TTLL7: variants seen among roughly 807,000 people sequenced by gnomAD.
TTLL7 encodes the protein tubulin polyglutamylase TTLL7.
In TTLL7, 53 loss-of-function variants were observed where a neutral mutation model predicts 120.2. The ratio of observed to expected loss-of-function variants is 0.44; its 90% confidence interval spans 0.35 to 0.55. The LOEUF (loss-of-function observed/expected upper bound fraction) is 0.55. TTLL7 is among the 20% of genes least tolerant of loss of function. TTLL7 has a pLI of 0.00. For synonymous variants in TTLL7, 353 were observed against 351.7 expected, an observed-to-expected ratio of 1.00 and a Z score of -0.04; for missense variants, 803 against 1,054.7, an observed-to-expected ratio of 0.76 and a Z score of 3.31.
chr1:83,897,721 T>A (rs1008019486), intron 18 of TTLL7, among the ~76,000 whole-genome samples: 1 of 151,972 alleles, frequency 6.6e-6, no homozygotes, highest in African/African-American at 2.4e-5. Context: ...CACAACTTTC[T>A]CAGAGATCCA....
rs867031651 is a variant in TTLL7 at position 83,909,233 on chromosome 1, T to G, written c.1787-1572A>C. On this transcript the variant is annotated intron_variant, in intron 15 of 20. Transcript: ENST00000260505. The stretch of plus-strand genomic sequence containing the variant: ...ATCACTGGGCAGAAGGAAAATATCC[T>G]TTGTCTTGAATCATCACAGATTACT... 2.0e-5 allele frequency among the ~76,000 whole-genome samples: 3 copies of G among 151,588 alleles called. No individual in the cohort carries two copies. The South Asian group carries it at 6.3e-4, about 32-fold the overall frequency.
chr1:83,870,030 A>G lies in TTLL7; in HGVS notation c.2596T>C (p.Leu866=). 1 of 1,588,516 alleles carries G rather than the reference A, an allele frequency of 6.3e-7. No individual in the cohort carries two copies. The highest frequency in any genetic ancestry group is 8.5e-7 in the Non-Finnish European group (1 of 1,170,784). ...GTCATTCCAGGTGAATTGTACTTCA[A>G]GTTGTAGGTTGGTGTTCTCAAGAAG... ...QFFLRTPTYN[L]KYNSPGMTRS... is the part of the protein sequence containing the mutation. The change falls in exon 21 of 21, where the codon TTG becomes CTG. Residue 866 remains leucine, a synonymous_variant. Coordinates refer to ENST00000260505, the MANE Select transcript of TTLL7 (RefSeq NM_024686.6).
intron 3 of TTLL7, 142 bp downstream of exon 3, chr1:83,951,703 T>C: frequency 1.2e-6 from 1 of 860,068 alleles, no homozygotes; most frequent in South Asian, 2.2e-5. Flanking sequence ...CCTTCTAATA[T>C]GTTAGAAATT....
At position 83,942,476 on chromosome 1, in the gene TTLL7, T is replaced by C. The variant is rs768465645; in HGVS notation, c.710A>G (p.Asn237Ser). The change falls in exon 7 of 21, where the codon AAT (asparagine) becomes AGT (serine). Residue 237 changes from asparagine (N) to serine (S), a missense_variant. Transcript: ENST00000260505. The stretch of plus-strand genomic sequence containing the variant: ...GGTATCACTTACCAAATTGGACTCA[T>C]TAGGTGGAATGTACTTCTCTGTACC... ...RMGTEKYIPP[N>S]ESNLTQLYMH... is the part of the protein sequence containing the mutation. 3 of 1,613,332 alleles carry C rather than the reference T, an allele frequency of 1.9e-6. No homozygotes were observed. In the Admixed American group the frequency reaches 5.0e-5, roughly 27 times the overall value.
At chr1:83,911,395 G>T in intron 14 of TTLL7, 32 bp from the exon 15 acceptor site, 1 of 1,538,986 alleles carries the variant, frequency 6.5e-7, no homozygotes, top group Non-Finnish European at 8.9e-7. Flanking sequence ...TATTTTGTTA[G>T]AATTCTTAAA....
intron 1 of TTLL7, among the ~76,000 whole-genome samples, chr1:83,996,347 A>C (rs2100662498): frequency 6.6e-6 from 1 of 152,334 alleles, no homozygotes; most frequent in African/African-American, 2.4e-5. Context: ...AAGAGAAATG[A>C]TTAACAGATC....
At chr1:83,883,793 C>T (rs1654729122) in intron 19 of TTLL7, among the ~76,000 whole-genome samples, 1 of 152,016 alleles carries the variant, frequency 6.6e-6, no homozygotes, top group African/African-American at 2.4e-5. Flanking sequence ...GACCTCTCTT[C>T]ACTAGGAGAA....
rs1381593708 is a variant in TTLL7 at position 83,933,641 on chromosome 1, C to T, written c.1014G>A (p.Leu338=). 1.2e-6 allele frequency: 2 copies of T among 1,613,470 alleles called. No individual in the cohort carries two copies. Among genetic ancestry groups the T allele is most frequent in the African/African-American group, 2.7e-5 (2 of 74,862 alleles). Residue 338 remains leucine, a synonymous_variant, in exon 9 of 21, where the codon TTG becomes TTA. Coordinates refer to ENST00000260505, the MANE Select transcript of TTLL7 (RefSeq NM_024686.6). ...VCFEVLGFDI[L]LDRKLKPWLL... is the part of the protein sequence containing the mutation. ...GCCATGGCTTTAGTTTTCTATCCAACAAAATATCAAATCCCAGGACTTCAA... is the reference window on the plus strand; with the variant it reads ...GCCATGGCTTTAGTTTTCTATCCAATAAAATATCAAATCCCAGGACTTCAA...
intron 1 of TTLL7, among the ~76,000 whole-genome samples, chr1:83,996,682 T>C (rs543232577): frequency 1.1e-4 from 16 of 152,354 alleles, no homozygotes; most frequent in Non-Finnish European, 2.2e-4. Flanking sequence ...TGCTAGACTT[T>C]AAGTTCCTTG....
In TTLL7 at chr1:83,911,193, G is replaced by C. The variant is rs1232600123; in HGVS notation, c.1758C>G (p.Ser586=). The C allele has an allele frequency of 1.3e-5, 21 of 1,611,452 alleles. No individual in the cohort carries two copies. The highest frequency in any genetic ancestry group is 1.8e-5 in the Non-Finnish European group (21 of 1,177,994). ...GTTGTTGAATTAATTTGTAGTGGTTGGAGGGTTTAAGATTATATGTAACTT... is the reference window on the plus strand; with the variant it reads ...GTTGTTGAATTAATTTGTAGTGGTTCGAGGGTTTAAGATTATATGTAACTT... ...EKQVTYNLKP[S]NHYKLIQQPS... The change falls in exon 15 of 21, where the codon TCC becomes TCG. Residue 586 remains serine, a synonymous_variant. Coordinates refer to ENST00000260505, the MANE Select transcript of TTLL7 (RefSeq NM_024686.6).
At chr1:83,899,188 C>A (rs146359384) in intron 18 of TTLL7, among the ~76,000 whole-genome samples, 1 of 151,994 alleles carries the variant, frequency 6.6e-6, no homozygotes, top group East Asian at 1.9e-4. Context: ...AGAATGTCAT[C>A]ACAGAATGAA....
At chr1:83,892,427 A>T (rs62641610) in intron 18 of TTLL7, among the ~76,000 whole-genome samples, 1 of 138,678 alleles carries the variant, frequency 7.2e-6, no homozygotes, top group Admixed American at 7.4e-5. Flanking sequence ...CATATATATG[A>T]ACATATATAT....
intron 1 of TTLL7, among the ~76,000 whole-genome samples, chr1:83,989,994 T>G (rs1652832024): frequency 6.6e-6 from 1 of 152,150 alleles, no homozygotes; most frequent in Non-Finnish European, 1.5e-5. Context: ...GCTCTTAGCT[T>G]GAATGCTATT....
intron 13 of TTLL7, among the ~76,000 whole-genome samples, chr1:83,918,918 T>A (rs111833398): frequency 4.3e-4 from 66 of 152,172 alleles, no homozygotes; most frequent in African/African-American, 1.5e-3. Flanking sequence ...ATAAAAAGAA[T>A]CTTCTTGAAA....
At chr1:83,949,637 T>C in intron 4 of TTLL7, 2 of 459,630 alleles carry the variant, frequency 4.4e-6, no homozygotes. Flanking sequence ...GAAGAGGTTT[T>C]TTCTATTGAT....
intron 1 of TTLL7, among the ~76,000 whole-genome samples, chr1:83,972,416 A>C (rs1471527693): frequency 2.6e-5 from 4 of 152,028 alleles, no homozygotes; most frequent in African/African-American, 4.8e-5. Flanking sequence ...TTAAGGTTCC[A>C]TGTCTTTCTA....
chr1:83,872,390 T>G (rs1361547938), intron 20 of TTLL7, among the ~76,000 whole-genome samples: 2 of 152,254 alleles, frequency 1.3e-5, no homozygotes. Flanking sequence ...TTAATTATTA[T>G]GTCAACAATT....
intron 7 of TTLL7, among the ~76,000 whole-genome samples, chr1:83,941,326 G>A (rs1647944797): frequency 6.6e-6 from 1 of 152,210 alleles, no homozygotes; most frequent in Non-Finnish European, 1.5e-5. Context: ...CACTGTATCT[G>A]TCTGGTCATT....
In TTLL7 at chr1:83,964,815, T is replaced by A. The variant is rs768804163; in HGVS notation, c.-176-12428A>T. Among the ~76,000 whole-genome samples, 102 of 152,296 alleles carry A rather than the reference T, an allele frequency of 6.7e-4. 1 individual carries two copies. The highest frequency in any genetic ancestry group is 1.2e-3 in the Non-Finnish European group (82 of 68,014). On this transcript the variant is annotated intron_variant, in intron 1 of 20. Transcript: ENST00000260505. ...TGATAAAATTATACATGTAACCATA[T>A]ACCCACAGCATGCATCTTAGTTTTA...
Sources: gnomAD v4.1 joint callset for allele counts (sites outside exome capture counted in the v4.1 genomes callset) on GRCh38, gnomAD v4.1.1 for gene constraint, MANE v1.5 for transcripts, NCBI Gene and HGNC (gene_info 2026-07-23, HGNC 2026-07-21) for gene names.